The following CACNA1H variants were observed in gnomAD, a reference collection of about 807,000 sequenced individuals.
CACNA1H encodes the protein calcium voltage-gated channel subunit alpha1 H.
In CACNA1H, 149 loss-of-function variants were observed where a neutral mutation model predicts 192.5. The observed-to-expected ratio is 0.77, with a 90% CI of 0.68 to 0.89. The LOEUF is 0.89. Ranked by LOEUF, CACNA1H falls within the 40% of genes least tolerant of loss-of-function variation. CACNA1H has a pLI of 0.00. For synonymous variants in CACNA1H, 2,202 were observed against 1,475.2 expected, an observed-to-expected ratio of 1.49 and a Z score of -11.29; for missense variants, 4,257 against 3,423.5, an observed-to-expected ratio of 1.24 and a Z score of -6.08.
intron 2 of CACNA1H, among the ~76,000 whole-genome samples, chr16:1,178,896 GCC>G (rs907866753): frequency 2.0e-4 from 30 of 152,326 alleles, no homozygotes; most frequent in South Asian, 8.3e-4. Flanking sequence ...CAGCAGGGTG[GCC>G]CCGCGCCCTT....
In CACNA1H at chr16:1,210,818, A is replaced by G; in HGVS notation, c.4070A>G (p.His1357Arg). The change falls in exon 21 of 35, where the codon CAC becomes CGC. Residue 1357 changes from histidine to arginine, a missense_variant. Transcript: ENST00000348261. ...GCCCTGGGGCTGCTGTCCGGCGAGCACGCCTACCTGCAGAGCAGCTGGAAC... is the reference window on the plus strand; with the variant it reads ...GCCCTGGGGCTGCTGTCCGGCGAGCGCGCCTACCTGCAGAGCAGCTGGAAC... Reference protein sequence around the residue: ...VVALGLLSGEHAYLQSSWNLL... With the variant: ...VVALGLLSGERAYLQSSWNLL... 6.2e-7 allele frequency: 1 copy of G among 1,603,062 alleles called. No homozygotes were observed. Among genetic ancestry groups the G allele is most frequent in the African/African-American group, 1.3e-5 (1 of 75,050 alleles).
chr16:1,194,415 C>A (rs773858793), intron 2 of CACNA1H, among the ~76,000 whole-genome samples: 1 of 152,162 alleles, frequency 6.6e-6, no homozygotes, highest in African/African-American at 2.4e-5. Context: ...AGGGTGGGGC[C>A]GCGCAGCCCT....
rs1963891629 is a variant in CACNA1H at position 1,167,296 on chromosome 16, TGTCAGG to T, written c.299+13261_299+13266del. 6.6e-6 allele frequency among the ~76,000 whole-genome samples: 1 copy of T among 151,890 alleles called. No individual in the cohort carries two copies. Among genetic ancestry groups the T allele is most frequent in the Admixed American group, 6.5e-5 (1 of 15,276 alleles). ...GTGGGGCTTGCCGGCCGCCCGCGAA[TGTCAGG>T]AACCTTGGATTCCTGACACACGGGT... On this transcript the variant is annotated intron_variant, in intron 2 of 34. Transcript: ENST00000348261. The surrounding 1 kb of genome is among the most constrained non-coding windows in gnomAD (Gnocchi z 4.2).
intron 11 of CACNA1H, 29 bp from the exon 12 acceptor site, chr16:1,206,075 C>T (rs753268233): frequency 4.4e-5 from 67 of 1,534,160 alleles, no homozygotes; most frequent in Middle Eastern, 2.1e-4. Context: ...ATCGTGGCCC[C>T]GCTGACCCTC....
chr16:1,217,915 G>C lies in CACNA1H; in HGVS notation c.5324-4G>C. 6.3e-7 allele frequency: 1 copy of C among 1,598,282 alleles called. No homozygotes were observed. The highest frequency in any genetic ancestry group is 1.7e-5 in the Admixed American group (1 of 58,360). On this transcript the variant is annotated splice_region_variant and splice_polypyrimidine_tract_variant and intron_variant, in intron 31 of 34. Transcript: ENST00000348261. ...CTGACCGGGCGGGGTCTCCCTCCCC[G>C]CAGAGTGCAGTGAAGACAACCCCTG...
rs1257963926 is a variant in CACNA1H at position 1,218,921 on chromosome 16, G to T, written c.5888-49G>T. 19 of 1,539,896 alleles carry T rather than the reference G, an allele frequency of 1.2e-5. No homozygotes were observed. In the African/African-American group the frequency reaches 1.5e-4, roughly 12 times the overall value. On this transcript the variant is annotated intron_variant, in intron 33 of 34. Transcript: ENST00000348261. ...GAGGACGGGGGTGGGTGGCAGCTGGGCAGGAAGGCAGGGGCAGAGCTGCCA... is the reference window on the plus strand; with the variant it reads ...GAGGACGGGGGTGGGTGGCAGCTGGTCAGGAAGGCAGGGGCAGAGCTGCCA...
intron 2 of CACNA1H, among the ~76,000 whole-genome samples, chr16:1,186,157 G>A (rs866336101): frequency 2.4e-4 from 34 of 139,868 alleles, no homozygotes; most frequent in African/African-American, 7.8e-4. Flanking sequence ...CTAGACGGTC[G>A]GCGTGCGTAG....
intron 2 of CACNA1H, among the ~76,000 whole-genome samples, chr16:1,179,448 A>G (rs1462311818): frequency 1.3e-5 from 2 of 152,020 alleles, no homozygotes; most frequent in Non-Finnish European, 1.5e-5. Flanking sequence ...CGTCCTCCTC[A>G]TTTATTTATT....
At chr16:1,165,117 T>A (rs1314013063) in intron 2 of CACNA1H, among the ~76,000 whole-genome samples, 1 of 151,806 alleles carries the variant, frequency 6.6e-6, no homozygotes, top group Non-Finnish European at 1.5e-5. Flanking sequence ...GAGAAGGTGC[T>A]GGCATGTCTG....
At chr16:1,154,140 G>C (rs1961965908) in intron 2 of CACNA1H, 104 bp downstream of exon 2, 2 of 947,614 alleles carry the variant, frequency 2.1e-6, no homozygotes, top group Non-Finnish European at 2.8e-6. Context: ...GCCCCTGTTG[G>C]TGGGACCTGG....
intron 20 of CACNA1H, 65 bp downstream of exon 20, chr16:1,210,716 AC>A: frequency 6.5e-7 from 1 of 1,547,974 alleles, no homozygotes; most frequent in Non-Finnish European, 8.8e-7. Flanking sequence ...CCCCACCCCC[AC>A]CCAGCAGCGC....
intron 2 of CACNA1H, among the ~76,000 whole-genome samples, chr16:1,161,241 T>C (rs1181265815): frequency 6.6e-6 from 1 of 152,190 alleles, no homozygotes; most frequent in East Asian, 1.9e-4. Context: ...CCTTTGTGGA[T>C]GGACCGTTAG....
At chr16:1,213,544 C>T (rs1269009272) in intron 26 of CACNA1H, among the ~76,000 whole-genome samples, 1 of 152,052 alleles carries the variant, frequency 6.6e-6, no homozygotes, top group Non-Finnish European at 1.5e-5. Flanking sequence ...CCTGGCCTAG[C>T]CAGCTCCCCA....
At chr16:1,195,899 G>A in intron 4 of CACNA1H, 27 bp from the exon 5 acceptor site, 9 of 1,580,954 alleles carry the variant, frequency 5.7e-6, no homozygotes, top group Non-Finnish European at 7.0e-6. Flanking sequence ...TCCTTGTTGA[G>A]CTGCTCCCCC....
chr16:1,198,889 GC>G, intron 6 of CACNA1H, 115 bp downstream of exon 6: 1 of 927,116 alleles, frequency 1.1e-6, no homozygotes, highest in Non-Finnish European at 1.6e-6. Context: ...GCAGTCACCC[GC>G]CCCGCCACTG....
chr16:1,193,871 C>T (rs188823042), intron 2 of CACNA1H, among the ~76,000 whole-genome samples: 3 of 152,042 alleles, frequency 2.0e-5, no homozygotes, highest in East Asian at 1.9e-4. Context: ...GGAAGGCCCT[C>T]GTCACCAAGC....
rs1966025182 is a variant in CACNA1H, at chr16:1,186,128, G to A, written c.300-8844G>A. On this transcript the variant is annotated intron_variant, in intron 2 of 34. Transcript: ENST00000348261. ...GGCGTGCGTAGGGGCCGGAGGCGGG[G>A]TGTGTACGGGGCGGGTGACTAGACG... is the stretch of plus-strand genomic sequence containing the variant. Among the ~76,000 whole-genome samples the A allele has an allele frequency of 1.4e-5, 2 of 144,994 alleles. 1 individual carries two copies. Among genetic ancestry groups the A allele is most frequent in the Admixed American group, 1.4e-4 (2 of 14,782 alleles).
At chr16:1,156,179 G>C (rs753389662) in intron 2 of CACNA1H, among the ~76,000 whole-genome samples, 1 of 152,202 alleles carries the variant, frequency 6.6e-6, no homozygotes, top group Non-Finnish European at 1.5e-5. Flanking sequence ...CCTCTGGCAC[G>C]CTTTGGCTCT....
rs1965359776 is a variant in CACNA1H, at chr16:1,180,557, C to T, written c.300-14415C>T. On this transcript the variant is annotated intron_variant, in intron 2 of 34. Coordinates refer to ENST00000348261, the MANE Select transcript of CACNA1H (RefSeq NM_021098.3). This position sits in a 1 kb window ranked among gnomAD's most constrained non-coding sequence, Gnocchi z 4.4. ...GTCTCTGGGTCCTGAGCAGGGGCTG[C>T]AGTCACAGCCAGGCCGTGGGGGGGC... 6.6e-6 allele frequency among the ~76,000 whole-genome samples: 1 copy of T among 152,086 alleles called. No individual in the cohort carries two copies. The highest frequency in any genetic ancestry group is 6.5e-5 in the Admixed American group (1 of 15,286).
Sources: allele counts gnomAD v4.1 joint callset (sites outside exome capture counted in the v4.1 genomes callset), GRCh38; gene constraint gnomAD v4.1.1; non-coding constraint Gnocchi (gnomAD v3.1); transcripts MANE v1.5; gene names NCBI Gene and HGNC (gene_info 2026-07-23, HGNC 2026-07-21).